The following RAPGEF2 variants were observed in gnomAD, a reference collection of about 807,000 sequenced individuals.
RAPGEF2 encodes the protein PDZ domain containing guanine nucleotide exchange factor (GEF) 1.
Under a neutral mutation model 186.7 loss-of-function variants are expected in RAPGEF2, and 54 were observed. The ratio of observed to expected loss-of-function variants is 0.29; its 90% CI spans 0.23 to 0.36. The LOEUF (loss-of-function observed/expected upper bound fraction) is 0.36. RAPGEF2 is among the 10% of genes least tolerant of loss of function. The pLI is 1.00. For synonymous variants in RAPGEF2, 712 were observed against 705.9 expected (o/e 1.01, Z -0.14); for missense variants, 1,532 against 2,045.0 (o/e 0.75, Z 4.84).
chr4:159,342,603 T>TTTATTTTATC (rs1729694080), intron 20 of RAPGEF2, among the ~76,000 whole-genome samples: 1 of 147,468 alleles, frequency 6.8e-6, no homozygotes, highest in African/African-American at 2.5e-5. Context: ...TTTATTTTAT[T>TTTATTTTATC]TTATTTTATT....
chr4:159,332,703 C>T lies in RAPGEF2; in HGVS notation c.2135+6C>T, dbSNP rs1222300756. 1 of 1,613,554 alleles carries T rather than the reference C, an allele frequency of 6.2e-7. No homozygotes were observed. The highest frequency in any genetic ancestry group is 8.5e-7 in the Non-Finnish European group (1 of 1,179,708). On this transcript the variant is annotated splice_donor_region_variant and intron_variant, in intron 17 of 29. Transcript: ENST00000691494. The stretch of plus-strand genomic sequence containing the variant: ...TTGCCACAGAAACCATACAAGTAAG[C>T]ATCTGCATATGTCTTCTGTGCATTA...
intron 7 of RAPGEF2, among the ~76,000 whole-genome samples, chr4:159,290,846 A>G (rs1030067846): frequency 6.6e-6 from 1 of 152,202 alleles, no homozygotes; most frequent in Non-Finnish European, 1.5e-5. Context: ...ACAGTGAGTA[A>G]TGCACCACAA....
chr4:159,345,712 G>A (rs1415034385), intron 24 of RAPGEF2, among the ~76,000 whole-genome samples: 1 of 152,114 alleles, frequency 6.6e-6, no homozygotes, highest in African/African-American at 2.4e-5. Context: ...CATAAAATTG[G>A]GTGTGCTGGC....
At chr4:159,297,660 A>AC (rs111559755) in intron 7 of RAPGEF2, among the ~76,000 whole-genome samples, 42,656 of 152,054 alleles carry the variant, frequency 0.28, 7,522 homozygotes, top group African/African-American at 0.49. Context: ...TAGTAAGTGA[A>AC]CTACCATAAT....
At chr4:159,309,629 T>G (rs925804932) in intron 8 of RAPGEF2, among the ~76,000 whole-genome samples, 3 of 152,148 alleles carry the variant, frequency 2.0e-5, no homozygotes, top group African/African-American at 7.2e-5. Flanking sequence ...GTTGAAAGAA[T>G]AGAAGGTTGT....
chr4:159,192,760 A>G (rs1404448188), intron 2 of RAPGEF2, among the ~76,000 whole-genome samples: 2 of 152,202 alleles, frequency 1.3e-5, no homozygotes, highest in Non-Finnish European at 2.9e-5. Context: ...GCCTACTTTT[A>G]TCTGAAATTC....
chr4:159,267,177 C>CT, intron 7 of RAPGEF2: 7 of 1,286,412 alleles, frequency 5.4e-6, no homozygotes, highest in Non-Finnish European at 7.1e-6. Flanking sequence ...CAGTGTCTTG[C>CT]TTTCTGCAGG....
intron 17 of RAPGEF2, among the ~76,000 whole-genome samples, chr4:159,333,616 G>A (rs1312657307): frequency 6.6e-6 from 1 of 152,162 alleles, no homozygotes. Context: ...AGCTCAGCCA[G>A]GCTAGACAAA....
chr4:159,325,214 T>G (rs1008197947), intron 11 of RAPGEF2, among the ~76,000 whole-genome samples: 2 of 152,174 alleles, frequency 1.3e-5, no homozygotes, highest in African/African-American at 4.8e-5. Flanking sequence ...CTTCAGTGTT[T>G]TAAATATGTA....
rs1554038040 is a variant in RAPGEF2 at position 159,330,295 on chromosome 4, G to GTGTGTGTGTATA, written c.1303-38_1303-37insGTGTGTGTATAT. ...TGTGTGTGTGTGTGTGTGTGTGTGT[G>GTGTGTGTGTATA]TATATATATGTAGTAATTAAACCTT... On this transcript the variant is annotated intron_variant, in intron 12 of 29. Transcript: ENST00000691494. The GTGTGTGTGTATA allele has an allele frequency of 2.1e-5, 19 of 924,488 alleles. No individual in the cohort carries two copies. In the African/African-American group the frequency reaches 3.3e-4, roughly 16 times the overall value. 57.3% of individuals were successfully genotyped at this position (924,488 alleles called of 1,614,324 possible).
intron 1 of RAPGEF2, among the ~76,000 whole-genome samples, chr4:159,144,501 G>A (rs938960435): frequency 3.3e-5 from 5 of 152,194 alleles, no homozygotes; most frequent in African/African-American, 1.2e-4. Context: ...GCTAGGTTAT[G>A]AGCTATGAAG....
intron 1 of RAPGEF2, among the ~76,000 whole-genome samples, chr4:159,112,496 C>G (rs901769834): frequency 6.6e-6 from 1 of 151,848 alleles, no homozygotes; most frequent in African/African-American, 2.4e-5. Flanking sequence ...AAAAGGGAGT[C>G]CCAATGGCCA....
chr4:159,205,631 G>A (rs1749892457), intron 3 of RAPGEF2, among the ~76,000 whole-genome samples: 2 of 152,262 alleles, frequency 1.3e-5, no homozygotes, highest in South Asian at 4.1e-4. Flanking sequence ...CATGATAGTG[G>A]ATGAGTGTTC....
At chr4:159,107,439 A>G (rs1472528528) in intron 1 of RAPGEF2, among the ~76,000 whole-genome samples, 2 of 152,140 alleles carry the variant, frequency 1.3e-5, no homozygotes, top group African/African-American at 2.4e-5. Context: ...TTGCTTCTGT[A>G]GAGTGTCTAA....
chr4:159,121,169 G>A (rs1250227550), intron 1 of RAPGEF2, among the ~76,000 whole-genome samples: 1 of 151,996 alleles, frequency 6.6e-6, no homozygotes, highest in Admixed American at 6.6e-5. Flanking sequence ...TGAAGCTCAT[G>A]CTCAACCTTT....
intron 3 of RAPGEF2, among the ~76,000 whole-genome samples, chr4:159,208,376 G>A (rs1483224354): frequency 6.6e-6 from 1 of 152,188 alleles, no homozygotes; most frequent in Non-Finnish European, 1.5e-5. Context: ...GGATCTGAGA[G>A]GAGCATAGTA....
At chr4:159,346,686 AT>A in intron 24 of RAPGEF2, 102 bp from the exon 25 acceptor site, 2 of 960,802 alleles carry the variant, frequency 2.1e-6, no homozygotes, top group Non-Finnish European at 3.2e-6. Flanking sequence ...TTAATTTAGT[AT>A]TCTAACTGCA....
Position 159,279,874 on chromosome 4 carries a change from G to A in RAPGEF2, c.544-24468G>A, listed in dbSNP as rs375880884. Reference sequence around the variant, plus strand: ...TTGTGGATTTTTTTTGGTAGAGATGGGGTTTCACCATGTTGGCCAGGCTGC... The same window carrying A: ...TTGTGGATTTTTTTTGGTAGAGATGAGGTTTCACCATGTTGGCCAGGCTGC... On this transcript the variant is annotated intron_variant, in intron 7 of 29. Transcript: ENST00000691494. Among the ~76,000 whole-genome samples the A allele has an allele frequency of 4.1e-3, 620 of 151,990 alleles. 2 individuals carry two copies. The highest frequency in any genetic ancestry group is 0.014 in the African/African-American group (592 of 41,460).
chr4:159,278,542 T>C (rs998948952), intron 7 of RAPGEF2, among the ~76,000 whole-genome samples: 2 of 152,174 alleles, frequency 1.3e-5, no homozygotes, highest in Non-Finnish European at 2.9e-5. Context: ...TAGTAACCCA[T>C]CTATAAAAAT....
Sources: gnomAD v4.1 joint callset for allele counts (sites outside exome capture counted in the v4.1 genomes callset) on GRCh38, gnomAD v4.1.1 for gene constraint, MANE v1.5 for transcripts, NCBI Gene and HGNC (gene_info 2026-07-23, HGNC 2026-07-21) for gene names.